Variants in KIAA0513 observed in about 807,000 individuals in gnomAD.
KIAA0513 encodes the protein KIAA0513, also known as uncharacterized protein KIAA0513.
Under a neutral mutation model 56.5 loss-of-function variants are expected in KIAA0513, and 39 were observed. The observed-to-expected ratio is 0.69, with a 90% CI of 0.53 to 0.90. The LOEUF is 0.90. Among genes scored for constraint, KIAA0513 ranks in the 40% least tolerant of loss-of-function variants. KIAA0513 has a pLI of 0.00. For missense variants in KIAA0513, 591 were observed against 535.2 expected (o/e 1.10, Z -1.03); for synonymous variants, 268 against 215.6 (o/e 1.24, Z -2.13).
At chr16:85,086,550 G>T (rs1567548507) in intron 10 of KIAA0513, 94 bp from the exon 11 acceptor site, 1 of 1,224,320 alleles carries the variant, frequency 8.2e-7, no homozygotes, top group Non-Finnish European at 1.2e-6. Context: ...CCGTACATGG[G>T]TGCCGCCAGC....
intron 1 of KIAA0513, among the ~76,000 whole-genome samples, chr16:85,058,073 G>A (rs13330404): frequency 0.046 from 6,988 of 152,200 alleles, 541 homozygotes; most frequent in African/African-American, 0.16. Flanking sequence ...CTCCCTCCCC[G>A]GTGACTACAG....
chr16:85,052,272 A>C (rs2143928990), intron 1 of KIAA0513, among the ~76,000 whole-genome samples: 1 of 152,170 alleles, frequency 6.6e-6, no homozygotes, highest in African/African-American at 2.4e-5. Context: ...GTGAGCTGAG[A>C]TCACGCCACT....
chr16:85,065,572 A>G (rs908055216), intron 1 of KIAA0513, among the ~76,000 whole-genome samples: 2 of 152,238 alleles, frequency 1.3e-5, no homozygotes, highest in East Asian at 1.9e-4. Context: ...GGAGGAATCC[A>G]TCATCAATGG....
rs1272912113 is a variant in KIAA0513 at position 85,091,778 on chromosome 16, T to C, written c.*3453T>C. On this transcript the variant is annotated 3_prime_UTR_variant, in exon 13 of 13. Transcript: ENST00000683363. ...AGGCTGTTCCGCGTGGGTTACCTTA[T>C]CACCCTGGAGCACTTGGTATTCCAG... 2 of 152,180 alleles carry C rather than the reference T, an allele frequency of 1.3e-5. No homozygotes were observed. Among genetic ancestry groups the C allele is most frequent in the Admixed American group, 1.3e-4 (2 of 15,270 alleles). 9.4% of individuals were successfully genotyped at this position (152,180 alleles called of 1,614,324 possible).
In KIAA0513 at chr16:85,027,867, G is replaced by C. The variant is rs972170206; in HGVS notation, c.-173+9G>C. ...TCCGCCCGCGGTGAGAGGTGCGGTG[G>C]GGTGGCCTCAGGCCGGCCTGACAGG... is the stretch of plus-strand genomic sequence containing the variant. On this transcript the variant is annotated intron_variant, in intron 1 of 12. Transcript: ENST00000683363. 6.6e-6 allele frequency: 1 copy of C among 152,160 alleles called. No individual in the cohort carries two copies. 9.4% of individuals were successfully genotyped at this position (152,160 alleles called of 1,614,324 possible). A position where few individuals can be genotyped will look rare whatever the true frequency, so the allele number is the denominator to read the frequency against.
chr16:85,086,749 G>T lies in KIAA0513; in HGVS notation c.1091+25G>T, dbSNP rs376265445. ...GGTAAGGGCCAGAGTGGGAAAGCGG[G>T]AGGGGAGAGGGGGGAGGGCCCACCC... is the stretch of plus-strand genomic sequence containing the variant. On this transcript the variant is annotated intron_variant, in intron 11 of 12. Coordinates refer to ENST00000683363, the MANE Select transcript of KIAA0513 (RefSeq NM_001388359.1). 678 of 1,587,292 alleles carry T rather than the reference G, an allele frequency of 4.3e-4. 5 individuals are homozygous for T. Among genetic ancestry groups the T allele is most frequent in the Middle Eastern group, 1.3e-3 (8 of 5,962 alleles).
chr16:85,083,377 T>C (rs1237203104), intron 10 of KIAA0513, among the ~76,000 whole-genome samples: 1 of 152,220 alleles, frequency 6.6e-6, no homozygotes, highest in East Asian at 1.9e-4. Context: ...ATCAGTGGTA[T>C]GTCTGTAGTG....
intron 3 of KIAA0513, among the ~76,000 whole-genome samples, 188 bp from the exon 4 acceptor site, chr16:85,072,737 G>A (rs927683104): frequency 6.6e-6 from 1 of 152,172 alleles, no homozygotes; most frequent in Non-Finnish European, 1.5e-5. Context: ...TGATGGTTGG[G>A]TGCAGGTGGC....
intron 1 of KIAA0513, among the ~76,000 whole-genome samples, chr16:85,039,363 C>T (rs1276435416): frequency 6.6e-6 from 1 of 152,214 alleles, no homozygotes; most frequent in East Asian, 1.9e-4. Flanking sequence ...AGTGCAGTTG[C>T]ACGATCAGGG....
intron 4 of KIAA0513, among the ~76,000 whole-genome samples, chr16:85,073,707 C>T (rs928258070): frequency 2.6e-5 from 4 of 152,174 alleles, no homozygotes; most frequent in South Asian, 4.1e-4. Context: ...CCCGGAGCCT[C>T]GAGAGGAGGA....
intron 1 of KIAA0513, among the ~76,000 whole-genome samples, chr16:85,050,005 G>A (rs900889818): frequency 6.6e-5 from 10 of 152,194 alleles, no homozygotes; most frequent in Middle Eastern, 3.2e-3. Flanking sequence ...CAGCCGCTGT[G>A]TCCTTTTGTG....
At position 85,072,932 on chromosome 16, in the gene KIAA0513, A is replaced by C; in HGVS notation, c.437A>C (p.Asn146Thr). ...CTGCCTCTTTCTGGACAGCGCTGCAACTCCAAGTGTGTCTCAGAGGCAACC... is the reference window on the plus strand; with the variant it reads ...CTGCCTCTTTCTGGACAGCGCTGCACCTCCAAGTGTGTCTCAGAGGCAACC... Reference protein sequence around the residue: ...FARYVSAQRCNSKCVSEATFY... With the variant: ...FARYVSAQRCTSKCVSEATFY... Residue 146 changes from asparagine to threonine, a missense_variant, in exon 4 of 13, where the codon AAC becomes ACC. Coordinates refer to ENST00000683363, the MANE Select transcript of KIAA0513 (RefSeq NM_001388359.1). 2.4e-5 allele frequency: 38 copies of C among 1,613,990 alleles called. No individual in the cohort carries two copies. The highest frequency in any genetic ancestry group is 3.2e-5 in the Non-Finnish European group (38 of 1,179,966).
intron 1 of KIAA0513, among the ~76,000 whole-genome samples, chr16:85,050,131 C>T (rs1597603993): frequency 6.6e-6 from 1 of 151,958 alleles, no homozygotes; most frequent in Non-Finnish European, 1.5e-5. Flanking sequence ...ACCCCTCACC[C>T]TGCACTGTCT....
intron 1 of KIAA0513, among the ~76,000 whole-genome samples, chr16:85,043,807 C>T (rs968474783): frequency 2.6e-5 from 4 of 152,078 alleles, no homozygotes; most frequent in African/African-American, 9.7e-5. Flanking sequence ...CCGAAGCGGG[C>T]GGATCACCTG....
chr16:85,043,815 C>G (rs956369720), intron 1 of KIAA0513, among the ~76,000 whole-genome samples: 2 of 152,136 alleles, frequency 1.3e-5, no homozygotes, highest in African/African-American at 2.4e-5. Flanking sequence ...GGCGGATCAC[C>G]TGAGGTCGGG....
At chr16:85,031,722 C>T (rs545142648) in intron 1 of KIAA0513, among the ~76,000 whole-genome samples, 1 of 152,180 alleles carries the variant, frequency 6.6e-6, no homozygotes, top group Non-Finnish European at 1.5e-5. Flanking sequence ...TGGCCAGCTT[C>T]CTGTCATTCA....
chr16:85,042,545 C>G (rs115276216), intron 1 of KIAA0513, among the ~76,000 whole-genome samples: 52 of 152,160 alleles, frequency 3.4e-4, no homozygotes, highest in African/African-American at 1.2e-3. Flanking sequence ...ACTGTTTAAC[C>G]CTTTTAAGCC....
At chr16:85,030,724 A>G (rs537326224) in intron 1 of KIAA0513, among the ~76,000 whole-genome samples, 91 of 150,706 alleles carry the variant, frequency 6.0e-4, no homozygotes, top group Admixed American at 9.3e-4. Context: ...AGCCTGGGTG[A>G]CAGAGAAAGA....
At chr16:85,088,111 C>A (rs1473918958) in intron 12 of KIAA0513, among the ~76,000 whole-genome samples, 165 bp from the exon 13 acceptor site, 1 of 152,252 alleles carries the variant, frequency 6.6e-6, no homozygotes, top group African/African-American at 2.4e-5. Context: ...ACAGCCCTGC[C>A]CTGAAGCACG....
Sources: allele counts gnomAD v4.1 joint callset (sites outside exome capture counted in the v4.1 genomes callset), GRCh38; gene constraint gnomAD v4.1.1; transcripts MANE v1.5; gene names NCBI Gene and HGNC (gene_info 2026-07-23, HGNC 2026-07-21).